Variants in ADGRB3 observed in about 807,000 individuals in gnomAD.
ADGRB3 encodes brain-specific angiogenesis inhibitor 3.
A neutral mutation model predicts 193.4 loss-of-function variants in ADGRB3; 37 were observed. That is an observed-to-expected ratio of 0.19 (90% CI 0.15 to 0.25). The LOEUF (loss-of-function observed/expected upper bound fraction) is 0.25. ADGRB3 is among the 10% of genes least tolerant of loss of function. The pLI, the probability that ADGRB3 is intolerant of heterozygous loss-of-function variation, is 1.00. For synonymous variants in ADGRB3, 690 were observed against 644.2 expected (o/e 1.07, Z -1.08); for missense variants, 1,637 against 1,852.9 (o/e 0.88, Z 2.14).
chr6:68,810,004 G>C (rs574035196), intron 3 of ADGRB3, among the ~76,000 whole-genome samples: 1 of 152,096 alleles, frequency 6.6e-6, no homozygotes, highest in African/African-American at 2.4e-5. Flanking sequence ...TGGGTTCCTG[G>C]TAATACCATA....
intron 4 of ADGRB3, among the ~76,000 whole-genome samples, chr6:68,933,973 T>C (rs1767418335): frequency 6.6e-6 from 1 of 152,208 alleles, no homozygotes; most frequent in Non-Finnish European, 1.5e-5. Flanking sequence ...TATAGTTTAC[T>C]ATTTTAATGT....
intron 3 of ADGRB3, among the ~76,000 whole-genome samples, chr6:68,870,634 G>A (rs1311220626): frequency 2.6e-5 from 4 of 152,164 alleles, no homozygotes; most frequent in Non-Finnish European, 5.9e-5. Flanking sequence ...GAAGTGTAGT[G>A]GTTAAAGTGT....
At chr6:68,758,767 A>G (rs938123350) in intron 3 of ADGRB3, among the ~76,000 whole-genome samples, 7 of 152,136 alleles carry the variant, frequency 4.6e-5, no homozygotes, top group African/African-American at 1.7e-4. Flanking sequence ...AGCACTTTTT[A>G]TAGCATATGG....
chr6:68,755,652 G>A lies in ADGRB3; in HGVS notation c.757+116220G>A, dbSNP rs529515823. Among the ~76,000 whole-genome samples the A allele has an allele frequency of 1.3e-3, 191 of 152,194 alleles. 2 individuals carry two copies. The highest frequency in any genetic ancestry group is 4.3e-3 in the African/African-American group (179 of 41,536). On this transcript the variant is annotated intron_variant, in intron 3 of 31. Transcript: ENST00000370598. ...GAAGGGAGTCAGAGATCAACCCAGGGGACTGTAACATTCTGTATTTGAAGG... is the reference window on the plus strand; with the variant it reads ...GAAGGGAGTCAGAGATCAACCCAGGAGACTGTAACATTCTGTATTTGAAGG...
Position 69,233,359 on chromosome 6 carries a change from A to G in ADGRB3, c.2550A>G (p.Lys850=), listed in dbSNP as rs768335377. The change falls in exon 18 of 32, where the codon AAA becomes AAG. Residue 850 remains lysine, a synonymous_variant. Transcript: ENST00000370598. ...KTVLTDASHT[K]CLCDRLSTFA... ...TGCTTACCGATGCATCCCATACGAA[A>G]TGCTTATGTGATCGTCTCTCTACCT... 6.2e-7 allele frequency: 1 copy of G among 1,614,028 alleles called. No homozygotes were observed. The highest frequency in any genetic ancestry group is 1.1e-5 in the South Asian group (1 of 91,086).
chr6:69,033,509 A>AAAAATATT (rs1770775139), intron 13 of ADGRB3, among the ~76,000 whole-genome samples: 1 of 152,206 alleles, frequency 6.6e-6, no homozygotes, highest in Non-Finnish European at 1.5e-5. Flanking sequence ...TTGAATAGTC[A>AAAAATATT]AAAATATTTT....
chr6:68,944,168 T>G (rs1022558242), intron 6 of ADGRB3, among the ~76,000 whole-genome samples, 174 bp downstream of exon 6: 1 of 152,220 alleles, frequency 6.6e-6, no homozygotes, highest in African/African-American at 2.4e-5. Flanking sequence ...ATATGTAGTA[T>G]TGTAGAATAT....
intron 17 of ADGRB3, among the ~76,000 whole-genome samples, chr6:69,114,693 G>A (rs527647558): frequency 7.1e-5 from 10 of 141,448 alleles, no homozygotes; most frequent in African/African-American, 2.6e-4. Context: ...TGTATAAGTT[G>A]TAAGGGAAGG....
chr6:68,750,013 A>C (rs1054898049), intron 3 of ADGRB3, among the ~76,000 whole-genome samples: 1 of 152,162 alleles, frequency 6.6e-6, no homozygotes, highest in Non-Finnish European at 1.5e-5. Flanking sequence ...GTTAGTGAAC[A>C]TCCATTTTGT....
At chr6:69,120,932 G>A (rs780451700) in intron 17 of ADGRB3, among the ~76,000 whole-genome samples, 4 of 148,572 alleles carry the variant, frequency 2.7e-5, no homozygotes, top group African/African-American at 9.9e-5. Flanking sequence ...AGAGAAACAT[G>A]TATTTTTACT....
chr6:69,361,531 A>C lies in ADGRB3; in HGVS notation c.4239+19A>C. On this transcript the variant is annotated intron_variant, in intron 29 of 31. Coordinates refer to ENST00000370598, the MANE Select transcript of ADGRB3 (RefSeq NM_001704.3). ...TTTAGAGGTGAGCCACAGAAGATTAAATTTTTCCTTGATAGTTGAAATATG... is the reference window on the plus strand; with the variant it reads ...TTTAGAGGTGAGCCACAGAAGATTACATTTTTCCTTGATAGTTGAAATATG... 2 of 1,595,578 alleles carry C rather than the reference A, an allele frequency of 1.3e-6. No homozygotes were observed. The highest frequency in any genetic ancestry group is 8.5e-7 in the Non-Finnish European group (1 of 1,170,216).
intron 3 of ADGRB3, among the ~76,000 whole-genome samples, chr6:68,774,067 A>G (rs796712451): frequency 3.0e-4 from 46 of 152,272 alleles, no homozygotes; most frequent in African/African-American, 1.1e-3. Flanking sequence ...TTTTCTTTGC[A>G]AAGAAGACAG....
intron 17 of ADGRB3, among the ~76,000 whole-genome samples, chr6:69,154,692 G>T (rs953853665): frequency 1.3e-5 from 2 of 152,264 alleles, no homozygotes; most frequent in South Asian, 4.1e-4. Context: ...CTAACGTATA[G>T]GTCTAATGGT....
intron 3 of ADGRB3, among the ~76,000 whole-genome samples, chr6:68,930,232 A>C (rs1767301612): frequency 6.6e-6 from 1 of 152,088 alleles, no homozygotes; most frequent in African/African-American, 2.4e-5. Flanking sequence ...TCTCTAAAAA[A>C]ACAACAGTTA....
At chr6:68,719,839 G>C (rs1281539961) in intron 3 of ADGRB3, among the ~76,000 whole-genome samples, 1 of 151,594 alleles carries the variant, frequency 6.6e-6, no homozygotes, top group East Asian at 2.0e-4. Flanking sequence ...AACACCCATT[G>C]CTTCACATAG....
At chr6:68,982,322 C>T (rs1768941383) in intron 10 of ADGRB3, among the ~76,000 whole-genome samples, 1 of 152,076 alleles carries the variant, frequency 6.6e-6, no homozygotes. Flanking sequence ...CAAAAAGTAT[C>T]CTTCCTTTCC....
At position 69,307,271 on chromosome 6, in the gene ADGRB3, C is replaced by G. The variant is rs562801833; in HGVS notation, c.2815-17601C>G. Among the ~76,000 whole-genome samples, 56 of 151,598 alleles carry G rather than the reference C, an allele frequency of 3.7e-4. 1 individual carries two copies. The highest frequency in any genetic ancestry group is 1.3e-3 in the African/African-American group (54 of 41,256). On this transcript the variant is annotated intron_variant, in intron 20 of 31. Transcript: ENST00000370598. ...TATTAAAGAACCAACCACATTGCAA[C>G]CGACTTAAAGAATGTGTTGTAGTTA...
intron 17 of ADGRB3, among the ~76,000 whole-genome samples, chr6:69,097,930 A>G (rs1007017528): frequency 2.0e-5 from 3 of 152,242 alleles, no homozygotes; most frequent in African/African-American, 7.2e-5. Context: ...AAACATAATT[A>G]TGTTAGTATG....
At chr6:68,864,012 T>C (rs484750) in intron 3 of ADGRB3, among the ~76,000 whole-genome samples, 68,022 of 152,036 alleles carry the variant, frequency 0.45, 16,562 homozygotes, top group East Asian at 0.6. Flanking sequence ...AAGATCATTA[T>C]AATTCAGTAT....
Sources: allele counts gnomAD v4.1 joint callset (sites outside exome capture counted in the v4.1 genomes callset), GRCh38; gene constraint gnomAD v4.1.1; transcripts MANE v1.5; gene names NCBI Gene and HGNC (gene_info 2026-07-23, HGNC 2026-07-21).